The following TENM2 variants were observed in gnomAD, a reference collection of about 807,000 sequenced individuals.
TENM2 encodes the protein teneurin-2.
In TENM2, 52 loss-of-function variants were observed where a neutral mutation model predicts 245.2. The observed-to-expected ratio is 0.21, with a 90% CI of 0.17 to 0.27. The LOEUF is 0.27. Among genes scored for constraint, TENM2 ranks in the 10% least tolerant of loss-of-function variants. The pLI is 1.00. For synonymous variants in TENM2, 1,363 were observed against 1,438.9 expected (o/e 0.95, Z 1.19); for missense variants, 3,046 against 3,666.8 (o/e 0.83, Z 4.37).
At chr5:168,164,337 A>G (rs141781649) in intron 13 of TENM2, among the ~76,000 whole-genome samples, 98 of 152,202 alleles carry the variant, frequency 6.4e-4, no homozygotes, top group African/African-American at 2.2e-3. Flanking sequence ...AGTGTACACT[A>G]CTTTGTTAGC....
intron 2 of TENM2, among the ~76,000 whole-genome samples, chr5:167,784,780 A>G (rs572963405): frequency 6.6e-6 from 1 of 152,376 alleles, no homozygotes; most frequent in African/African-American, 2.4e-5. Flanking sequence ...TCCATTGGAA[A>G]GATATATCAA....
chr5:167,677,180 A>G (rs1281574564), intron 2 of TENM2, among the ~76,000 whole-genome samples: 11 of 152,144 alleles, frequency 7.2e-5, no homozygotes, highest in Admixed American at 5.9e-4. Context: ...CAAGAGAATA[A>G]TATAACCTGA....
chr5:167,366,036 T>C (rs1034399123), intron 1 of TENM2, among the ~76,000 whole-genome samples: 1 of 151,884 alleles, frequency 6.6e-6, no homozygotes, highest in African/African-American at 2.4e-5. Context: ...AGGGTAGAAA[T>C]TGATAAACTA....
intron 1 of TENM2, among the ~76,000 whole-genome samples, chr5:167,374,444 A>G (rs1760622051): frequency 7.0e-6 from 1 of 143,508 alleles, no homozygotes; most frequent in Non-Finnish European, 1.5e-5. Flanking sequence ...GCAATGCATG[A>G]TAGCATTTAT....
chr5:167,102,169 T>C, the TENM2 span, among the ~76,000 whole-genome samples: 1 of 151,152 alleles, frequency 6.6e-6, no homozygotes, highest in African/African-American at 2.4e-5. Flanking sequence ...GAGGTTGCAA[T>C]GAGCTGAGAT....
intron 2 of TENM2, among the ~76,000 whole-genome samples, chr5:167,403,565 A>G (rs947958761): frequency 8.5e-5 from 13 of 152,146 alleles, no homozygotes; most frequent in Admixed American, 2.0e-4. Context: ...TAGACAGAAC[A>G]AAAAACTTTT....
rs1562077236 is a variant in TENM2 at position 168,034,095 on chromosome 5, A to ATATATATATATGTG, written c.1187-13323_1187-13322insATGTGTATATATAT. Among the ~76,000 whole-genome samples the ATATATATATATGTG allele has an allele frequency of 9.3e-3, 886 of 94,900 alleles. 9 individuals are homozygous for ATATATATATATGTG. Among genetic ancestry groups the ATATATATATATGTG allele is most frequent in the African/African-American group, 0.01 (251 of 24,890 alleles). The allele number at this position is 94,900 out of a possible 152,430, so 62.3% of individuals were successfully genotyped here. A position where few individuals can be genotyped will look rare whatever the true frequency, so the allele number is the denominator to read the frequency against. On this transcript the variant is annotated intron_variant, in intron 5 of 28. Coordinates refer to ENST00000518659, the Ensembl canonical transcript of TENM2. ...TATATATGTATACATATATATGTGT[A>ATATATATATATGTG]TATATATATGTATACATATATATGT...
At chr5:167,383,663 C>T (rs926429436) in intron 2 of TENM2, among the ~76,000 whole-genome samples, 12 of 147,190 alleles carry the variant, frequency 8.2e-5, no homozygotes, top group African/African-American at 1.5e-4. Flanking sequence ...TCTGTCCTCT[C>T]GTTAAAACTA....
At chr5:167,736,289 G>A (rs545878186) in intron 2 of TENM2, among the ~76,000 whole-genome samples, 1 of 152,180 alleles carries the variant, frequency 6.6e-6, no homozygotes, top group African/African-American at 2.4e-5. Flanking sequence ...ATCTCCACCT[G>A]GTCCCTCCCA....
At chr5:168,254,735 A>C (rs1351076119) in intron 27 of TENM2, among the ~76,000 whole-genome samples, 1 of 152,132 alleles carries the variant, frequency 6.6e-6, no homozygotes, top group African/African-American at 2.4e-5. Context: ...GATCCCAATG[A>C]GGAGAGTCTT....
chr5:167,376,272 A>C (rs1328134672), intron 2 of TENM2, among the ~76,000 whole-genome samples: 1 of 152,218 alleles, frequency 6.6e-6, no homozygotes, highest in Non-Finnish European at 1.5e-5. Context: ...GATAAATTGC[A>C]TTAGGTTACA....
At chr5:167,472,096 G>T (rs896611918) in intron 2 of TENM2, among the ~76,000 whole-genome samples, 27 of 152,160 alleles carry the variant, frequency 1.8e-4, no homozygotes, top group African/African-American at 6.5e-4. Flanking sequence ...TTTTTCACTA[G>T]TCTCCCTTTA....
intron 4 of TENM2, among the ~76,000 whole-genome samples, chr5:167,992,184 A>G (rs1045801484): frequency 2.0e-5 from 3 of 152,170 alleles, no homozygotes; most frequent in Non-Finnish European, 4.4e-5. Context: ...TGCTCTGATG[A>G]CAGGTGGACC....
intron 2 of TENM2, among the ~76,000 whole-genome samples, chr5:167,434,297 C>T (rs967264865): frequency 4.6e-5 from 7 of 150,672 alleles, no homozygotes; most frequent in South Asian, 2.1e-4. Context: ...GGCAGGTGCC[C>T]GTACTACTCA....
chr5:167,024,460 C>A, the TENM2 span, among the ~76,000 whole-genome samples: 1 of 152,096 alleles, frequency 6.6e-6, no homozygotes, highest in Non-Finnish European at 1.5e-5. Flanking sequence ...AATAAATGAG[C>A]AGTTTTCAGG....
chr5:167,609,890 A>G (rs1447444928), intron 2 of TENM2, among the ~76,000 whole-genome samples: 3 of 152,056 alleles, frequency 2.0e-5, no homozygotes, highest in Non-Finnish European at 4.4e-5. Flanking sequence ...GAGTTCTATA[A>G]TTCAATTCCA....
chr5:167,856,513 A>G (rs1313956344), intron 2 of TENM2, among the ~76,000 whole-genome samples: 2 of 152,200 alleles, frequency 1.3e-5, no homozygotes, highest in Non-Finnish European at 2.9e-5. Context: ...CTTTAAATAA[A>G]GTTAAGTCCT....
At chr5:167,072,622 T>C in the TENM2 span, among the ~76,000 whole-genome samples, 1 of 152,226 alleles carries the variant, frequency 6.6e-6, no homozygotes, top group Non-Finnish European at 1.5e-5. Context: ...TTTGCAACAA[T>C]TTCTATGAAA....
chr5:168,254,734 G>A (rs570942798), intron 27 of TENM2, among the ~76,000 whole-genome samples: 139 of 152,254 alleles, frequency 9.1e-4, no homozygotes, highest in Admixed American at 1.6e-3. Flanking sequence ...AGATCCCAAT[G>A]AGGAGAGTCT....
Sources: gnomAD v4.1 joint callset for allele counts (sites outside exome capture counted in the v4.1 genomes callset) on GRCh38, gnomAD v4.1.1 for gene constraint, MANE v1.5 for transcripts, NCBI Gene and HGNC (gene_info 2026-07-23, HGNC 2026-07-21) for gene names.